The following FRMD3 variants were observed in gnomAD, a reference collection of about 807,000 sequenced individuals.
The protein encoded by FRMD3 is FERM domain-containing protein 3.
In FRMD3, 33 loss-of-function variants were observed where a neutral mutation model predicts 70.2. The observed-to-expected ratio is 0.47, with a 90% CI of 0.36 to 0.63. FRMD3 has a LOEUF of 0.63. Ranked by LOEUF, FRMD3 falls within the 20% of genes least tolerant of loss-of-function variation. FRMD3 has a pLI of 0.00. For missense variants in FRMD3, 632 were observed against 711.4 expected (o/e 0.89, Z 1.27); for synonymous variants, 279 against 255.9 (o/e 1.09, Z -0.86).
At chr9:83,451,890 C>T (rs951805523) in intron 1 of FRMD3, among the ~76,000 whole-genome samples, 3 of 152,110 alleles carry the variant, frequency 2.0e-5, no homozygotes, top group Admixed American at 1.3e-4. Context: ...TTTAATAGTT[C>T]ATAATAGACA....
intron 1 of FRMD3, among the ~76,000 whole-genome samples, chr9:83,535,210 G>C (rs2131562871): frequency 6.6e-6 from 1 of 152,314 alleles, no homozygotes; most frequent in Non-Finnish European, 1.5e-5. Context: ...GCTCATGAGA[G>C]ATGCTCAAGA....
chr9:83,377,432 T>C (rs1237430510), intron 2 of FRMD3, among the ~76,000 whole-genome samples: 1 of 152,162 alleles, frequency 6.6e-6, no homozygotes, highest in East Asian at 1.9e-4. Context: ...AGATACAGTT[T>C]GGATGTGTGT....
At chr9:83,440,696 C>A (rs1191779950) in intron 1 of FRMD3, among the ~76,000 whole-genome samples, 1 of 152,228 alleles carries the variant, frequency 6.6e-6, no homozygotes, top group African/African-American at 2.4e-5. Flanking sequence ...AGCAGACAGA[C>A]TGGATTCCAA....
chr9:83,436,796 A>C (rs1564076563), intron 1 of FRMD3, among the ~76,000 whole-genome samples: 1 of 151,534 alleles, frequency 6.6e-6, no homozygotes, highest in East Asian at 1.9e-4. Flanking sequence ...AAAAAAAAAA[A>C]AAAAACAAGA....
At chr9:83,452,165 C>T (rs1344142676) in intron 1 of FRMD3, among the ~76,000 whole-genome samples, 1 of 152,160 alleles carries the variant, frequency 6.6e-6, no homozygotes, top group African/African-American at 2.4e-5. Flanking sequence ...CTAACTCAAT[C>T]TTTGATGCGG....
chr9:83,485,848 G>A (rs1828676622), intron 1 of FRMD3, among the ~76,000 whole-genome samples: 1 of 151,932 alleles, frequency 6.6e-6, no homozygotes. Flanking sequence ...TAAAAATTAG[G>A]TGAACCTAAC....
intron 1 of FRMD3, among the ~76,000 whole-genome samples, chr9:83,513,741 C>T (rs1752223261): frequency 6.6e-6 from 1 of 152,156 alleles, no homozygotes; most frequent in African/African-American, 2.4e-5. Context: ...TGGGTGATTT[C>T]TACATTTCCA....
intron 1 of FRMD3, among the ~76,000 whole-genome samples, chr9:83,529,045 C>A (rs1245864287): frequency 6.6e-6 from 1 of 152,092 alleles, no homozygotes; most frequent in Non-Finnish European, 1.5e-5. Context: ...CATTGTTTTG[C>A]AAATATCTTT....
At position 83,404,625 on chromosome 9, in the gene FRMD3, A is replaced by G. The variant is rs552209418; in HGVS notation, c.148-14917T>C. 2.0e-5 allele frequency among the ~76,000 whole-genome samples: 3 copies of G among 152,330 alleles called. No individual in the cohort carries two copies. In the East Asian group the frequency reaches 5.8e-4, roughly 29 times the overall value. ...ACATTTAAGACAAATATAAAATGAA[A>G]AAAAATAGACAGAATAAACCATTTT... is the stretch of plus-strand genomic sequence containing the variant. On this transcript the variant is annotated intron_variant, in intron 1 of 13. Transcript: ENST00000304195.
intron 6 of FRMD3, among the ~76,000 whole-genome samples, chr9:83,324,898 T>C (rs751532795): frequency 3.9e-5 from 6 of 152,194 alleles, no homozygotes; most frequent in Non-Finnish European, 8.8e-5. Context: ...AAAGTGCTTG[T>C]CAGGGCTGGT....
At chr9:83,262,614 G>A (rs117508768) in intron 13 of FRMD3, among the ~76,000 whole-genome samples, 4 of 152,148 alleles carry the variant, frequency 2.6e-5, no homozygotes, top group Non-Finnish European at 5.9e-5. Context: ...CTTTAGCCTG[G>A]TACAAAAAGC....
At chr9:83,547,736 AT>A in the FRMD3 span, among the ~76,000 whole-genome samples, 2 of 152,140 alleles carry the variant, frequency 1.3e-5, no homozygotes, top group Non-Finnish European at 2.9e-5. Flanking sequence ...CCAAACATAC[AT>A]TTTTTTCTCA....
At chr9:83,255,502 T>C (rs1000842515) in intron 13 of FRMD3, among the ~76,000 whole-genome samples, 3 of 70,334 alleles carry the variant, frequency 4.3e-5, no homozygotes, top group African/African-American at 7.5e-5. Flanking sequence ...ACCACTCCCA[T>C]TTGACAGAGT....
chr9:83,349,161 G>C (rs1309460752), intron 4 of FRMD3, among the ~76,000 whole-genome samples: 1 of 152,186 alleles, frequency 6.6e-6, no homozygotes, highest in African/African-American at 2.4e-5. Context: ...CCAACAGAGG[G>C]AGGTGAGAAG....
intron 2 of FRMD3, among the ~76,000 whole-genome samples, chr9:83,384,699 G>A (rs192646494): frequency 2.6e-4 from 39 of 152,246 alleles, no homozygotes; most frequent in African/African-American, 9.1e-4. Context: ...GCATCTGGTA[G>A]ACATTAAGAC....
chr9:83,307,258 T>C (rs1835168620), intron 10 of FRMD3, among the ~76,000 whole-genome samples: 2 of 152,174 alleles, frequency 1.3e-5, no homozygotes, highest in Non-Finnish European at 2.9e-5. Flanking sequence ...CTGAAAACAA[T>C]GTGTCAGGTC....
chr9:83,369,276 C>T (rs1824891959), intron 3 of FRMD3, among the ~76,000 whole-genome samples: 1 of 152,126 alleles, frequency 6.6e-6, no homozygotes, highest in Non-Finnish European at 1.5e-5. Context: ...CTTGATCTCC[C>T]TTAATAAATA....
At chr9:83,268,963 AT>A (rs1286125509) in intron 13 of FRMD3, among the ~76,000 whole-genome samples, 2 of 152,254 alleles carry the variant, frequency 1.3e-5, no homozygotes, top group African/African-American at 4.8e-5. Flanking sequence ...TTTAAAACAG[AT>A]AGACTGACGC....
intron 2 of FRMD3, among the ~76,000 whole-genome samples, chr9:83,380,566 A>G (rs1026739167): frequency 6.6e-6 from 1 of 152,040 alleles, no homozygotes; most frequent in Non-Finnish European, 1.5e-5. Context: ...ATATATTCTC[A>G]TTTTGGCTTG....
Sources: allele counts gnomAD v4.1 joint callset (sites outside exome capture counted in the v4.1 genomes callset), GRCh38; gene constraint gnomAD v4.1.1; transcripts MANE v1.5; gene names NCBI Gene and HGNC (gene_info 2026-07-23, HGNC 2026-07-21).